The following PCK2 variants were observed in gnomAD, a reference collection of about 807,000 sequenced individuals.
PCK2 encodes phosphoenolpyruvate carboxykinase [GTP], mitochondrial.
Under a neutral mutation model 65.9 loss-of-function variants are expected in PCK2, and 56 were observed. That is an observed-to-expected ratio of 0.85 (90% CI 0.69 to 1.06). PCK2 has a LOEUF of 1.06. Among genes scored for constraint, PCK2 ranks in the 50% least tolerant of loss-of-function variants. The probability of loss-of-function intolerance (pLI) is 0.00; values close to 1 mark genes in which losing one functional copy is unlikely to be tolerated. For missense variants in PCK2, 843 were observed against 863.1 expected (o/e 0.98, Z 0.29); for synonymous variants, 305 against 319.6 (o/e 0.95, Z 0.49).
intron 7 of PCK2, among the ~76,000 whole-genome samples, chr14:24,101,482 C>T (rs988230885): frequency 3.3e-5 from 5 of 152,232 alleles, no homozygotes; most frequent in African/African-American, 1.2e-4. Context: ...CCCAACCCCC[C>T]TCCAGGACAC....
At chr14:24,102,557 G>A (rs1433417302) in intron 7 of PCK2, 196 bp from the exon 8 acceptor site, 16 of 573,172 alleles carry the variant, frequency 2.8e-5, no homozygotes, top group South Asian at 7.5e-5. Flanking sequence ...TCAGCTGGCC[G>A]CACCTTCATG....
In PCK2 at chr14:24,094,318, G is replaced by A; in HGVS notation, c.-88G>A. 1.5e-6 allele frequency: 2 copies of A among 1,339,520 alleles called. No homozygotes were observed. Among genetic ancestry groups the A allele is most frequent in the South Asian group, 1.3e-5 (1 of 79,572 alleles). The allele number at this position is 1,339,520 out of a possible 1,614,324, so 83.0% of individuals were successfully genotyped here. A position where few individuals can be genotyped will look rare whatever the true frequency, so the allele number is the denominator to read the frequency against. Reference sequence around the variant, plus strand: ...CTCCCGCCAGCCTCTGCTGTGGCTCGCTTCGCCGCGCTCCCTCCTTCCCCG... The same window carrying A: ...CTCCCGCCAGCCTCTGCTGTGGCTCACTTCGCCGCGCTCCCTCCTTCCCCG... On this transcript the variant is annotated 5_prime_UTR_variant, in exon 1 of 10. Transcript: ENST00000216780. The surrounding 1 kb of genome is among the most constrained non-coding windows in gnomAD (Gnocchi z 4.1).
Position 24,098,596 on chromosome 14 carries a change from G to A in PCK2, c.582G>A (p.Leu194=), listed in dbSNP as rs1016538344. 6.2e-7 allele frequency: 1 copy of A among 1,614,094 alleles called. No individual in the cohort carries two copies. The highest frequency in any genetic ancestry group is 1.3e-5 in the African/African-American group (1 of 75,050). The change falls in exon 4 of 10, where the codon CTG becomes CTA. Residue 194 remains leucine, a synonymous_variant. Coordinates refer to ENST00000216780, the MANE Select transcript of PCK2 (RefSeq NM_004563.4). ...CAAGCATGCGTATTATGACCCGACT[G>A]GGGACACCTGTGCTTCAGGCCCTGG... ...VVASMRIMTR[L]GTPVLQALGD...
upstream of PCK2, chr14:24,094,186 C>A (rs894063123): frequency 3.4e-5 from 19 of 560,568 alleles, 1 homozygote; most frequent in South Asian, 3.9e-4. This position sits in a 1 kb window ranked among gnomAD's most constrained non-coding sequence, Gnocchi z 4.1. Context: ...GACCTGGAGC[C>A]TGGAGCCCCG....
intron 6 of PCK2, 73 bp downstream of exon 6, chr14:24,099,793 C>T: frequency 1.3e-6 from 2 of 1,527,014 alleles, no homozygotes; most frequent in South Asian, 2.3e-5. Context: ...CTAGTGTTCA[C>T]AATGACTTTG....
chr14:24,098,479 C>T lies in PCK2; in HGVS notation c.465C>T (p.Arg155=). 6.2e-7 allele frequency: 1 copy of T among 1,614,048 alleles called. No individual in the cohort carries two copies. Among genetic ancestry groups the T allele is most frequent in the Non-Finnish European group, 8.5e-7 (1 of 1,179,970 alleles). Residue 155 remains arginine, a synonymous_variant, in exon 4 of 10, where the codon CGC becomes CGT. Transcript: ENST00000216780. The part of the protein sequence containing the change: ...DERFPGCMQG[R]TMYVLPFSMG... ...AGGGGATGCCTTCCTCCACAGGCCG[C>T]ACCATGTATGTGCTTCCATTCAGCA... is the stretch of plus-strand genomic sequence containing the variant.
At position 24,094,322 on chromosome 14, in the gene PCK2, C is replaced by A; in HGVS notation, c.-84C>A. On this transcript the variant is annotated 5_prime_UTR_variant, in exon 1 of 10. Coordinates refer to ENST00000216780, the MANE Select transcript of PCK2 (RefSeq NM_004563.4). This position sits in a 1 kb window ranked among gnomAD's most constrained non-coding sequence, Gnocchi z 4.1. ...CGCCAGCCTCTGCTGTGGCTCGCTTCGCCGCGCTCCCTCCTTCCCCGCCTT... is the reference window on the plus strand; with the variant it reads ...CGCCAGCCTCTGCTGTGGCTCGCTTAGCCGCGCTCCCTCCTTCCCCGCCTT... The A allele has an allele frequency of 7.3e-7, 1 of 1,376,080 alleles. No homozygotes were observed. Among genetic ancestry groups the A allele is most frequent in the South Asian group, 1.2e-5 (1 of 80,496 alleles). 85.2% of individuals were successfully genotyped at this position (1,376,080 alleles called of 1,614,324 possible).
Position 24,103,869 on chromosome 14 carries a change from A to G in PCK2, c.1828A>G (p.Ile610Val), listed in dbSNP as rs1488749013. 6.2e-7 allele frequency: 1 copy of G among 1,614,170 alleles called. No individual in the cohort carries two copies. The highest frequency in any genetic ancestry group is 8.5e-7 in the Non-Finnish European group (1 of 1,180,012). Residue 610 changes from isoleucine (I) to valine (V), a missense_variant, in exon 10 of 10, where the codon ATT becomes GTT. Transcript: ENST00000216780. ...KDFWEQEVRD[I>V]RSYLTEQVNQ... ...CTTCTGGGAACAGGAGGTTCGTGAC[A>G]TTCGGAGCTACCTGACAGAGCAGGT...
Position 24,103,728 on chromosome 14 carries a change from GA to G in PCK2, c.1688del (p.Glu563GlyfsTer28), listed in dbSNP as rs747463592. On this transcript the variant is annotated frameshift_variant, in exon 10 of 10. Coordinates refer to ENST00000216780, the MANE Select transcript of PCK2 (RefSeq NM_004563.4). LOFTEE classifies it high-confidence loss of function. ...RVLDWICRRL[E>X]GEDSARETPI... Reference sequence around the variant, plus strand: ...GCTAGACTGGATCTGCCGGCGGTTAGAGGGGGAGGACAGTGCCCGAGAGACA... The same window carrying G: ...GCTAGACTGGATCTGCCGGCGGTTAGGGGGGAGGACAGTGCCCGAGAGACA... 76 of 1,614,228 alleles carry G rather than the reference GA, an allele frequency of 4.7e-5. No individual in the cohort carries two copies. In the African/African-American group the frequency reaches 9.5e-4, roughly 20 times the overall value.
Position 24,103,763 on chromosome 14 carries a change from G to A in PCK2, c.1722G>A (p.Gly574=). Reference sequence around the variant, plus strand: ...ACAGTGCCCGAGAGACACCCATTGGGCTGGTGCCAAAGGAAGGAGCCTTGG... The same window carrying A: ...ACAGTGCCCGAGAGACACCCATTGGACTGGTGCCAAAGGAAGGAGCCTTGG... ...GEDSARETPI[G]LVPKEGALDL... is the part of the protein sequence containing the mutation. The change falls in exon 10 of 10, where the codon GGG becomes GGA. Residue 574 remains glycine (G), a synonymous_variant. Coordinates refer to ENST00000216780, the MANE Select transcript of PCK2 (RefSeq NM_004563.4). 6.2e-7 allele frequency: 1 copy of A among 1,614,210 alleles called. No homozygotes were observed.
intron 5 of PCK2, 43 bp downstream of exon 5, chr14:24,099,279 C>A: frequency 1.3e-6 from 2 of 1,553,392 alleles, no homozygotes; most frequent in East Asian, 2.3e-5. Flanking sequence ...GGGGACAGGG[C>A]AGGGGTGGGG....
At chr14:24,103,346 C>A in intron 9 of PCK2, 91 bp downstream of exon 9, 1 of 1,213,208 alleles carries the variant, frequency 8.2e-7, no homozygotes, top group Non-Finnish European at 1.2e-6. Context: ...TTGTCCACCC[C>A]TGGAGTCTGA....
chr14:24,098,706 A>T (rs752864026), intron 4 of PCK2, 28 bp downstream of exon 4: 1 of 1,583,560 alleles, frequency 6.3e-7, no homozygotes, highest in Non-Finnish European at 8.7e-7. Flanking sequence ...CCCAAGGGGA[A>T]CACAGAGGCC....
chr14:24,098,261 G>A lies in PCK2; in HGVS notation c.334G>A (p.Val112Ile). ...VARVESKTVIVTPSQRDTVPL... is the reference protein window; with the variant it reads ...VARVESKTVIITPSQRDTVPL... Reference sequence around the variant, plus strand: ...ACGAGTAGAGAGCAAGACGGTGATTGTAACTCCTTCTCAGCGGGACACGGT... The same window carrying A: ...ACGAGTAGAGAGCAAGACGGTGATTATAACTCCTTCTCAGCGGGACACGGT... Residue 112 changes from valine (V) to isoleucine (I), a missense_variant, in exon 3 of 10, where the codon GTA becomes ATA. Physicochemically the swap from Val to Ile is conservative, Grantham distance 29. Coordinates refer to ENST00000216780, the MANE Select transcript of PCK2 (RefSeq NM_004563.4). 3 of 1,614,128 alleles carry A rather than the reference G, an allele frequency of 1.9e-6. No individual in the cohort carries two copies. The highest frequency in any genetic ancestry group is 1.1e-5 in the South Asian group (1 of 91,078).
Position 24,099,204 on chromosome 14 carries a change from C to A in PCK2, c.820C>A (p.Arg274=), listed in dbSNP as rs201814810. Residue 274 remains arginine (R), a synonymous_variant, in exon 5 of 10, where the codon CGG becomes AGG. Coordinates refer to ENST00000216780, the MANE Select transcript of PCK2 (RefSeq NM_004563.4). ...CCTACGCATCGCCTCTCGGCTGGCC[C>A]GGGATGAGGGCTGGCTGGCAGAGCA... The part of the protein sequence containing the change: ...FALRIASRLA[R]DEGWLAEHML... The A allele has an allele frequency of 6.2e-7, 1 of 1,601,592 alleles. No individual in the cohort carries two copies. Among genetic ancestry groups the A allele is most frequent in the East Asian group, 2.2e-5 (1 of 44,760 alleles).
chr14:24,095,156 G>A (rs1429017274), intron 1 of PCK2: 1 of 456,112 alleles, frequency 2.2e-6, no homozygotes. Context: ...TTGTCCCAGA[G>A]TCGGAAGTGA....
Position 24,103,181 on chromosome 14 carries a change from C to T in PCK2, c.1394C>T (p.Ala465Val). The part of the protein sequence containing the change: ...RPKGVPLVYE[A>V]FNWRHGVFVG... ...CTAGGGGTACCCCTGGTATACGAGG[C>T]CTTCAACTGGCGTCATGGGGTGTTT... is the stretch of plus-strand genomic sequence containing the variant. Residue 465 changes from alanine (A) to valine (V), a missense_variant, in exon 9 of 10, where the codon GCC (alanine) becomes GTC (valine). Coordinates refer to ENST00000216780, the MANE Select transcript of PCK2 (RefSeq NM_004563.4). 6.2e-7 allele frequency: 1 copy of T among 1,613,836 alleles called. No homozygotes were observed. The highest frequency in any genetic ancestry group is 8.5e-7 in the Non-Finnish European group (1 of 1,179,704).
Position 24,103,504 on chromosome 14 carries a change from C to G in PCK2, c.1469-6C>G, listed in dbSNP as rs371173730. ...AGATTCCTTACCCATCTTGCTTCCC[C>G]CCCAGGGAAGATCATCATGCACGAC... On this transcript the variant is annotated splice_region_variant and splice_polypyrimidine_tract_variant and intron_variant, in intron 9 of 9. Coordinates refer to ENST00000216780, the MANE Select transcript of PCK2 (RefSeq NM_004563.4). 119 of 1,541,708 alleles carry G rather than the reference C, an allele frequency of 7.7e-5. No individual in the cohort carries two copies. Among genetic ancestry groups the G allele is most frequent in the Non-Finnish European group, 1.0e-4 (116 of 1,143,484 alleles).
intron 7 of PCK2, chr14:24,100,534 C>A: frequency 2.1e-6 from 2 of 955,312 alleles, no homozygotes; most frequent in Non-Finnish European, 2.7e-6. Context: ...ATCACACTGA[C>A]AAATACACAG....
Sources: gnomAD v4.1 joint callset for allele counts (sites outside exome capture counted in the v4.1 genomes callset) on GRCh38, gnomAD v4.1.1 for gene constraint, Gnocchi (gnomAD v3.1) non-coding constraint, MANE v1.5 for transcripts, NCBI Gene and HGNC (gene_info 2026-07-23, HGNC 2026-07-21) for gene names.